Variants in PLLP observed in about 807,000 individuals in gnomAD.
PLLP encodes the protein plasma membrane proteolipid (plasmolipin).
A neutral mutation model predicts 19.7 loss-of-function variants in PLLP; 15 were observed. The observed-to-expected ratio is 0.76, with a 90% CI of 0.51 to 1.17. The LOEUF (loss-of-function observed/expected upper bound fraction) is 1.17, where lower values mean the gene tolerates loss of function less well. Among genes scored for constraint, PLLP ranks in the 50% most tolerant of loss-of-function variants. The probability of loss-of-function intolerance (pLI) is 0.00; values close to 1 mark genes in which losing one functional copy is unlikely to be tolerated. For missense variants in PLLP, 255 were observed against 258.3 expected, an observed-to-expected ratio of 0.99 and a Z score of 0.09; for synonymous variants, 111 against 116.3, an observed-to-expected ratio of 0.95 and a Z score of 0.29.
chr16:57,279,678 GAAAA>G (rs141312419), intron 1 of PLLP, among the ~76,000 whole-genome samples: 1 of 142,414 alleles, frequency 7.0e-6, no homozygotes, highest in Non-Finnish European at 1.5e-5. Flanking sequence ...TTGTCTCGAG[GAAAA>G]AAAAAAAAAA....
intron 1 of PLLP, among the ~76,000 whole-genome samples, chr16:57,282,900 C>T (rs1478195691): frequency 2.0e-5 from 3 of 152,200 alleles, no homozygotes; most frequent in Non-Finnish European, 4.4e-5. Context: ...TTCTCCTCTG[C>T]CCTTTCGCAC....
At chr16:57,266,958 C>A (rs1299973202) in intron 1 of PLLP, among the ~76,000 whole-genome samples, 1 of 147,626 alleles carries the variant, frequency 6.8e-6, no homozygotes, top group African/African-American at 2.5e-5. Context: ...TCAAAAACGA[C>A]CTTTGCATCT....
At chr16:57,273,025 C>T (rs1463523055) in intron 1 of PLLP, among the ~76,000 whole-genome samples, 1 of 151,736 alleles carries the variant, frequency 6.6e-6, no homozygotes, top group East Asian at 1.9e-4. Context: ...TTTGGGAGGC[C>T]GGGCGGGTGG....
intron 1 of PLLP, among the ~76,000 whole-genome samples, chr16:57,271,027 G>A (rs780343680): frequency 6.6e-5 from 10 of 152,160 alleles, no homozygotes; most frequent in Non-Finnish European, 1.3e-4. Context: ...CCCACCTCCC[G>A]CGTGGACCCT....
At position 57,284,535 on chromosome 16, in the gene PLLP, G is replaced by A; in HGVS notation, c.6C>T (p.Ala2=). M[A]EFPSKVSTRT... ...GCGTGCTAACTTTCGACGGGAACTC[G>A]GCCATGGCGGCTCCGCTTGCCTCCC... Residue 2 remains alanine (A), a synonymous_variant, in exon 1 of 4, where the codon GCC becomes GCT. Coordinates refer to ENST00000219207, the MANE Select transcript of PLLP (RefSeq NM_015993.3). 4 of 1,366,428 alleles carry A rather than the reference G, an allele frequency of 2.9e-6. No individual in the cohort carries two copies. The East Asian group carries it at 1.1e-4, about 38-fold the overall frequency. 84.6% of individuals were successfully genotyped at this position (1,366,428 alleles called of 1,614,324 possible).
intron 1 of PLLP, among the ~76,000 whole-genome samples, chr16:57,266,816 T>C (rs1234088347): frequency 6.7e-6 from 1 of 150,182 alleles, no homozygotes; most frequent in African/African-American, 2.5e-5. Context: ...AGACAGGTCC[T>C]GCAGATAAAC....
intron 1 of PLLP, among the ~76,000 whole-genome samples, chr16:57,266,298 T>C (rs926443272): frequency 6.6e-6 from 1 of 152,174 alleles, no homozygotes; most frequent in East Asian, 1.9e-4. Flanking sequence ...TGGGAATTTC[T>C]GGCGTTCTTT....
intron 2 of PLLP, 80 bp downstream of exon 2, chr16:57,261,817 C>T: frequency 7.5e-7 from 1 of 1,324,726 alleles, no homozygotes; most frequent in Non-Finnish European, 1.1e-6. Context: ...CAGGCCACCC[C>T]CCCACACCCT....
chr16:57,282,589 A>G (rs1303745683), intron 1 of PLLP, among the ~76,000 whole-genome samples: 1 of 151,912 alleles, frequency 6.6e-6, no homozygotes, highest in African/African-American at 2.4e-5. Context: ...ACCCAGCAAG[A>G]TCCCTCTTCT....
chr16:57,259,225 C>T (rs1211059738), intron 2 of PLLP, among the ~76,000 whole-genome samples: 3 of 152,212 alleles, frequency 2.0e-5, no homozygotes, highest in Non-Finnish European at 4.4e-5. Context: ...CAATCCATGA[C>T]CCATCTCTTT....
intron 1 of PLLP, among the ~76,000 whole-genome samples, chr16:57,265,470 C>G (rs546514182): frequency 3.9e-5 from 6 of 152,230 alleles, no homozygotes; most frequent in Admixed American, 6.5e-5. Flanking sequence ...CAGCTTCCAA[C>G]TAACTAAAGG....
At chr16:57,278,585 T>TC (rs1260832695) in intron 1 of PLLP, among the ~76,000 whole-genome samples, 2 of 151,700 alleles carry the variant, frequency 1.3e-5, no homozygotes, top group Non-Finnish European at 2.9e-5. Context: ...CACTCAATAC[T>TC]CCCCCCCTTG....
At position 57,256,938 on chromosome 16, in the gene PLLP, C is replaced by G. The variant is rs747765840; in HGVS notation, c.524G>C (p.Ser175Thr). The stretch of plus-strand genomic sequence containing the variant: ...TTAGGCATAGCCGCCAGCCATCTGA[C>G]TGGTGGCCGCATTGCTGCCTACTCC... ...WRGVGSNAAT[S>T]QMAGGYA Residue 175 changes from serine to threonine, a missense_variant, in exon 4 of 4, where the codon AGT becomes ACT. Ser to Thr is a moderately conservative substitution (Grantham distance 58). Coordinates refer to ENST00000219207, the MANE Select transcript of PLLP (RefSeq NM_015993.3). 9.9e-6 allele frequency: 16 copies of G among 1,613,436 alleles called. No homozygotes were observed. The highest frequency in any genetic ancestry group is 1.4e-5 in the Non-Finnish European group (16 of 1,179,572).
rs368269236 is a variant in PLLP at position 57,258,534 on chromosome 16, G to A, written c.360C>T (p.Ile120=). 24 of 1,613,284 alleles carry A rather than the reference G, an allele frequency of 1.5e-5. No individual in the cohort carries two copies. The highest frequency in any genetic ancestry group is 1.6e-4 in the Middle Eastern group (1 of 6,064). Residue 120 remains isoleucine (I), a synonymous_variant, in exon 3 of 4, where the codon ATC becomes ATT. Coordinates refer to ENST00000219207, the MANE Select transcript of PLLP (RefSeq NM_015993.3). The part of the protein sequence containing the change: ...SATVLYITAF[I]ACSAAVDLTS... The stretch of plus-strand genomic sequence containing the variant: ...TCAGGTCAACTGCCGCAGAGCAGGC[G>A]ATGAAGGCGGTGATGTAGAGAACGG...
chr16:57,273,453 C>G (rs946626896), intron 1 of PLLP, among the ~76,000 whole-genome samples: 1 of 152,156 alleles, frequency 6.6e-6, no homozygotes, highest in Non-Finnish European at 1.5e-5. Flanking sequence ...TCCCTGCCTG[C>G]AACTCCCTGT....
At chr16:57,282,173 A>G (rs1181141476) in intron 1 of PLLP, among the ~76,000 whole-genome samples, 1 of 149,582 alleles carries the variant, frequency 6.7e-6, no homozygotes, top group Non-Finnish European at 1.5e-5. Context: ...CTCTTACTCC[A>G]ATGCCTTCCA....
At chr16:57,274,541 C>T (rs1214235124) in intron 1 of PLLP, among the ~76,000 whole-genome samples, 2 of 151,908 alleles carry the variant, frequency 1.3e-5, no homozygotes, top group African/African-American at 4.8e-5. Flanking sequence ...CAACCTCTGC[C>T]TCCGGGGTTC....
chr16:57,268,176 C>T (rs1165794159), intron 1 of PLLP, among the ~76,000 whole-genome samples: 1 of 152,182 alleles, frequency 6.6e-6, no homozygotes, highest in Non-Finnish European at 1.5e-5. Context: ...GCAACCCTGC[C>T]AACACTTTGA....
At chr16:57,259,768 G>C (rs2075436422) in intron 2 of PLLP, among the ~76,000 whole-genome samples, 1 of 152,156 alleles carries the variant, frequency 6.6e-6, no homozygotes. Flanking sequence ...CTTGAGGTCA[G>C]AAGTTAGAGA....
Sources: gnomAD v4.1 joint callset for allele counts (sites outside exome capture counted in the v4.1 genomes callset) on GRCh38, gnomAD v4.1.1 for gene constraint, MANE v1.5 for transcripts, NCBI Gene and HGNC (gene_info 2026-07-23, HGNC 2026-07-21) for gene names.